Variants in ATP2B1 observed in about 807,000 individuals in gnomAD.
The protein encoded by ATP2B1 is ATPase plasma membrane Ca2+ transporting 1.
Under a neutral mutation model 124.2 loss-of-function variants are expected in ATP2B1, and 14 were observed. The ratio of observed to expected loss-of-function variants is 0.11; its 90% CI spans 0.07 to 0.18. The LOEUF (loss-of-function observed/expected upper bound fraction) is 0.18. ATP2B1 is among the 10% of genes least tolerant of loss of function. The pLI, the probability that ATP2B1 is intolerant of heterozygous loss-of-function variation, is 1.00. For missense variants in ATP2B1, 763 were observed against 1,466.1 expected (o/e 0.52, Z 7.83); for synonymous variants, 449 against 492.4 (o/e 0.91, Z 1.17).
intron 1 of ATP2B1, among the ~76,000 whole-genome samples, chr12:89,683,860 A>G (rs140872081): frequency 6.5e-4 from 99 of 152,332 alleles, no homozygotes; most frequent in African/African-American, 2.2e-3. Flanking sequence ...TCCACTTCGA[A>G]GATAAACCTT....
intron 1 of ATP2B1, among the ~76,000 whole-genome samples, chr12:89,704,200 T>C (rs916984888): frequency 6.6e-6 from 1 of 152,176 alleles, no homozygotes; most frequent in Admixed American, 6.5e-5. Context: ...AAACTTTTAG[T>C]ACAGCACATT....
At chr12:89,617,503 G>GA (rs566179737) in intron 11 of ATP2B1, among the ~76,000 whole-genome samples, 3 of 151,526 alleles carry the variant, frequency 2.0e-5, no homozygotes, top group Non-Finnish European at 2.9e-5. Flanking sequence ...AACCATGAAA[G>GA]AAAAAAAATA....
chr12:89,693,192 CT>C, intron 1 of ATP2B1, among the ~76,000 whole-genome samples: 1 of 152,244 alleles, frequency 6.6e-6, no homozygotes, highest in South Asian at 2.1e-4. Context: ...AAAGAACTGA[CT>C]TTTAAAGTGA....
chr12:89,658,048 G>C (rs1318769432), intron 1 of ATP2B1, among the ~76,000 whole-genome samples: 2 of 152,054 alleles, frequency 1.3e-5, no homozygotes, highest in Non-Finnish European at 2.9e-5. Context: ...AATCCAACTT[G>C]AAAAACTGGA....
chr12:89,614,647 C>A (rs1878639189), intron 12 of ATP2B1, among the ~76,000 whole-genome samples: 1 of 152,184 alleles, frequency 6.6e-6, no homozygotes, highest in South Asian at 2.1e-4. Context: ...CCTAGCTACA[C>A]ACTTTCTCTA....
intron 1 of ATP2B1, among the ~76,000 whole-genome samples, chr12:89,677,457 A>G (rs149074652): frequency 7.0e-4 from 106 of 152,224 alleles, no homozygotes; most frequent in Non-Finnish European, 1.4e-3. Context: ...TATCTGATTC[A>G]CCACACTTTA....
chr12:89,595,206 T>C (rs1052077368), intron 20 of ATP2B1, among the ~76,000 whole-genome samples: 1 of 152,052 alleles, frequency 6.6e-6, no homozygotes, highest in Non-Finnish European at 1.5e-5. Flanking sequence ...CTTAAATGAA[T>C]GGGCAACGCT....
At chr12:89,628,514 CTAGAATACGAATGTA>C (rs1881312222) in intron 6 of ATP2B1, among the ~76,000 whole-genome samples, 1 of 149,814 alleles carries the variant, frequency 6.7e-6, no homozygotes. Context: ...CTTAGTAAAA[CTAGAATACGAATGTA>C]TAGAATAAGC....
At chr12:89,634,735 T>C in intron 5 of ATP2B1, 43 bp downstream of exon 5, 6 of 1,514,644 alleles carry the variant, frequency 4.0e-6, no homozygotes, top group Non-Finnish European at 5.3e-6. Flanking sequence ...GGTACATAGT[T>C]GCGAAAGAGG....
At chr12:89,637,562 C>A (rs1464879658) in intron 3 of ATP2B1, among the ~76,000 whole-genome samples, 2 of 151,966 alleles carry the variant, frequency 1.3e-5, no homozygotes, top group African/African-American at 4.8e-5. Context: ...CCACGCCCAG[C>A]TCATTTTAAA....
At chr12:89,681,378 A>AT (rs1889328913) in intron 1 of ATP2B1, among the ~76,000 whole-genome samples, 2 of 118,792 alleles carry the variant, frequency 1.7e-5, no homozygotes, top group Non-Finnish European at 3.5e-5. Flanking sequence ...AAAAATCCCT[A>AT]TAAATTTTTT....
At chr12:89,643,290 T>C (rs540084019) in intron 2 of ATP2B1, among the ~76,000 whole-genome samples, 145 of 151,962 alleles carry the variant, frequency 9.5e-4, no homozygotes, top group Non-Finnish European at 1.7e-3. Flanking sequence ...TTCAGTTATA[T>C]AGATATAGAT....
chr12:89,641,916 A>G (rs1427358232), intron 3 of ATP2B1: 2 of 469,824 alleles, frequency 4.3e-6, no homozygotes, highest in African/African-American at 3.9e-5. Context: ...TGCCAGACAC[A>G]TAGTAAGCAT....
intron 12 of ATP2B1, 46 bp from the exon 13 acceptor site, chr12:89,611,418 T>C (rs1253442954): frequency 2.1e-6 from 3 of 1,455,208 alleles, no homozygotes; most frequent in African/African-American, 1.4e-5. Flanking sequence ...TTTGGTATTT[T>C]TAGAAGGAAA....
At chr12:89,668,096 G>GATTTAATATAGCTTA (rs1400845101) in intron 1 of ATP2B1, among the ~76,000 whole-genome samples, 1 of 152,136 alleles carries the variant, frequency 6.6e-6, no homozygotes, top group Admixed American at 6.6e-5. Context: ...CAGTGTGAAT[G>GATTTAATATAGCTTA]ATAGTTTAAT....
chr12:89,628,920 G>A (rs1303396064), intron 6 of ATP2B1, among the ~76,000 whole-genome samples: 7 of 152,044 alleles, frequency 4.6e-5, no homozygotes, highest in Admixed American at 3.9e-4. Context: ...CTGAGTAATC[G>A]CTAAGGCAGT....
chr12:89,621,217 G>C (rs1433772585), intron 10 of ATP2B1, among the ~76,000 whole-genome samples: 1 of 152,048 alleles, frequency 6.6e-6, no homozygotes, highest in East Asian at 1.9e-4. Flanking sequence ...TAAGTTGAGA[G>C]CTGACCTCCT....
At chr12:89,667,792 C>A (rs1396563922) in intron 1 of ATP2B1, among the ~76,000 whole-genome samples, 1 of 152,150 alleles carries the variant, frequency 6.6e-6, no homozygotes, top group Admixed American at 6.5e-5. Flanking sequence ...GAATCAGGAT[C>A]GTTAAAATGG....
intron 1 of ATP2B1, among the ~76,000 whole-genome samples, chr12:89,708,137 C>T (rs1892725186): frequency 6.6e-6 from 1 of 152,030 alleles, no homozygotes; most frequent in Non-Finnish European, 1.5e-5. Flanking sequence ...TCTGGGGGGC[C>T]GAGGCCAAGG....
Sources: allele counts gnomAD v4.1 joint callset (sites outside exome capture counted in the v4.1 genomes callset), GRCh38; gene constraint gnomAD v4.1.1; transcripts MANE v1.5; gene names NCBI Gene and HGNC (gene_info 2026-07-23, HGNC 2026-07-21).